The following WDR17 variants were observed in gnomAD, a reference collection of about 807,000 sequenced individuals.
The protein encoded by WDR17 is WD repeat-containing protein 17.
A neutral mutation model predicts 161.7 loss-of-function variants in WDR17; 143 were observed. The ratio of observed to expected loss-of-function variants is 0.88; its 90% confidence interval spans 0.77 to 1.02. The LOEUF is 1.02. Among genes scored for constraint, WDR17 ranks in the 50% least tolerant of loss-of-function variants. The pLI, the probability that WDR17 is intolerant of heterozygous loss-of-function variation, is 0.00. For synonymous variants in WDR17, 517 were observed against 515.6 expected (o/e 1.00, Z -0.04); for missense variants, 1,469 against 1,520.9 (o/e 0.97, Z 0.57).
chr4:176,104,286 A>G (rs895376993), intron 1 of WDR17, among the ~76,000 whole-genome samples: 8 of 152,124 alleles, frequency 5.3e-5, no homozygotes, highest in African/African-American at 1.7e-4. Context: ...GCAGGGTGAA[A>G]TGAAATGACA....
At chr4:176,156,677 TA>T (rs34152816) in intron 18 of WDR17, among the ~76,000 whole-genome samples, 36,541 of 128,740 alleles carry the variant, frequency 0.28, 4,558 homozygotes, top group South Asian at 0.37. Context: ...GGGGTTGCCG[TA>T]AAAAAAAAAA....
chr4:176,099,120 C>T (rs1201248782), intron 1 of WDR17, among the ~76,000 whole-genome samples: 1 of 151,972 alleles, frequency 6.6e-6, no homozygotes, highest in Admixed American at 6.6e-5. Flanking sequence ...GTTTCTAGTT[C>T]AGTATGTAAG....
chr4:176,105,698 T>C (rs1738603683), intron 1 of WDR17, among the ~76,000 whole-genome samples: 1 of 152,132 alleles, frequency 6.6e-6, no homozygotes, highest in Non-Finnish European at 1.5e-5. Flanking sequence ...CCAAAACTTA[T>C]GGGATGCAGT....
chr4:176,150,061 G>GC lies in WDR17; in HGVS notation c.2067dup (p.Thr690HisfsTer8). 1.2e-6 allele frequency: 2 copies of GC among 1,613,912 alleles called. No individual in the cohort carries two copies. The highest frequency in any genetic ancestry group is 1.7e-6 in the Non-Finnish European group (2 of 1,179,960). On this transcript the variant is annotated frameshift_variant, in exon 15 of 29. Transcript: ENST00000508596. LOFTEE classifies it high-confidence loss of function. ...TCTTCAGATTATGCTATAGAACCAG[G>GC]CACTCCTCCTCTACTGTGTGGTAAA...
chr4:176,140,354 G>T (rs775609166), intron 10 of WDR17, among the ~76,000 whole-genome samples: 7 of 151,976 alleles, frequency 4.6e-5, no homozygotes, highest in Non-Finnish European at 1.0e-4. Flanking sequence ...ATTAAGTGCC[G>T]TAAAAACTTG....
intron 1 of WDR17, among the ~76,000 whole-genome samples, chr4:176,101,719 T>A (rs1214159902): frequency 6.6e-6 from 1 of 151,870 alleles, no homozygotes; most frequent in Admixed American, 6.6e-5. Flanking sequence ...TAGAAATAGA[T>A]CCACATAAAT....
chr4:176,131,442 T>A lies in WDR17; in HGVS notation c.914-112T>A, dbSNP rs926732133. Reference sequence around the variant, plus strand: ...GCTTATGTGGGAGAATATATGATCATTGCCTAAATGGTTTACTGGTACAGA... The same window carrying A: ...GCTTATGTGGGAGAATATATGATCAATGCCTAAATGGTTTACTGGTACAGA... On this transcript the variant is annotated intron_variant, in intron 6 of 28. Coordinates refer to ENST00000508596, the MANE Select transcript of WDR17 (RefSeq NM_181265.4). 3.8e-6 allele frequency: 4 copies of A among 1,058,766 alleles called. No individual in the cohort carries two copies. In the African/African-American group the frequency reaches 6.5e-5, roughly 17 times the overall value. The allele number at this position is 1,058,766 out of a possible 1,614,324, so 65.6% of individuals were successfully genotyped here. A position where few individuals can be genotyped will look rare whatever the true frequency, so the allele number is the denominator to read the frequency against.
chr4:176,135,561 T>G (rs1012003677), intron 8 of WDR17, among the ~76,000 whole-genome samples: 1 of 151,588 alleles, frequency 6.6e-6, no homozygotes, highest in African/African-American at 2.4e-5. Context: ...TCTATAGCTA[T>G]GCCTTTAGAA....
At chr4:176,112,871 T>C (rs1021001813) in intron 2 of WDR17, among the ~76,000 whole-genome samples, 4 of 152,156 alleles carry the variant, frequency 2.6e-5, no homozygotes, top group Admixed American at 2.0e-4. Flanking sequence ...GTTAAGACTA[T>C]CTTGTTTTAT....
chr4:176,154,634 CTTCT>C (rs1381977869), intron 17 of WDR17, among the ~76,000 whole-genome samples: 1 of 152,092 alleles, frequency 6.6e-6, no homozygotes, highest in Non-Finnish European at 1.5e-5. Flanking sequence ...TACATTGCAA[CTTCT>C]TTCTTCTGTT....
intron 1 of WDR17, among the ~76,000 whole-genome samples, chr4:176,067,170 A>T: frequency 6.6e-6 from 1 of 152,298 alleles, no homozygotes; most frequent in Non-Finnish European, 1.5e-5. Flanking sequence ...AAGAAAATGG[A>T]TATAGTTATA....
Position 176,177,640 on chromosome 4 carries a change from G to A in WDR17, c.3718G>A (p.Gly1240Arg). 6.3e-7 allele frequency: 1 copy of A among 1,581,442 alleles called. No homozygotes were observed. The highest frequency in any genetic ancestry group is 1.7e-4 in the Middle Eastern group (1 of 5,954). ...TGATATTCACATTTCTTGTCTTACG[G>A]GATTAAAAATCCAGGTAAAGCCTAA... is the stretch of plus-strand genomic sequence containing the variant. ...HSDIHISCLTGLKIQGPVFFL... is the reference protein window; with the variant it reads ...HSDIHISCLTRLKIQGPVFFL... The change falls in exon 28 of 29, where the codon GGA (glycine) becomes AGA (arginine). Residue 1240 changes from glycine to arginine, a missense_variant. Coordinates refer to ENST00000508596, the MANE Select transcript of WDR17 (RefSeq NM_181265.4).
At chr4:176,126,160 T>A (rs918028132) in intron 5 of WDR17, among the ~76,000 whole-genome samples, 2 of 152,208 alleles carry the variant, frequency 1.3e-5, no homozygotes, top group Non-Finnish European at 2.9e-5. Context: ...AAGAATTTTG[T>A]GGGAGGCATT....
intron 7 of WDR17, among the ~76,000 whole-genome samples, chr4:176,134,088 C>G (rs2126766987): frequency 6.6e-6 from 1 of 151,862 alleles, no homozygotes; most frequent in East Asian, 1.9e-4. Flanking sequence ...ACCAGTGGTT[C>G]TAACAACATT....
chr4:176,179,273 C>T (rs1751893293), intron 28 of WDR17, among the ~76,000 whole-genome samples, 187 bp from the exon 29 acceptor site: 1 of 152,122 alleles, frequency 6.6e-6, no homozygotes, highest in Non-Finnish European at 1.5e-5. Context: ...AATGTTAAGA[C>T]ATTTGAAAAT....
At chr4:176,157,221 G>T (rs1372619130) in intron 18 of WDR17, among the ~76,000 whole-genome samples, 1 of 151,970 alleles carries the variant, frequency 6.6e-6, no homozygotes, top group Non-Finnish European at 1.5e-5. Flanking sequence ...GCCAATCACT[G>T]TGCTAATCTT....
chr4:176,136,516 G>A (rs1421323647), intron 8 of WDR17, among the ~76,000 whole-genome samples: 3 of 151,582 alleles, frequency 2.0e-5, no homozygotes, highest in Non-Finnish European at 4.4e-5. Flanking sequence ...TCTCTACATT[G>A]AGAATTTGCA....
chr4:176,160,069 G>A lies in WDR17; in HGVS notation c.2601G>A (p.Lys867=). 1.2e-6 allele frequency: 2 copies of A among 1,613,904 alleles called. No individual in the cohort carries two copies. Among genetic ancestry groups the A allele is most frequent in the South Asian group, 1.1e-5 (1 of 91,058 alleles). ...PYCIAIGDVK[K]LVHFFMSRGQ... Reference sequence around the variant, plus strand: ...GCATAGCCATTGGTGATGTGAAAAAGCTAGTCCATTTTTTCATGTCAAGAG... The same window carrying A: ...GCATAGCCATTGGTGATGTGAAAAAACTAGTCCATTTTTTCATGTCAAGAG... Residue 867 remains lysine (K), a synonymous_variant, in exon 19 of 29, where the codon AAG becomes AAA. Transcript: ENST00000508596.
At chr4:176,163,008 C>A in intron 21 of WDR17, 146 bp from the exon 22 acceptor site, 3 of 1,086,200 alleles carry the variant, frequency 2.8e-6, no homozygotes, top group Non-Finnish European at 3.9e-6. Flanking sequence ...TACATAGCTA[C>A]TTTATAGGAA....
Sources: gnomAD v4.1 joint callset for allele counts (sites outside exome capture counted in the v4.1 genomes callset) on GRCh38, gnomAD v4.1.1 for gene constraint, MANE v1.5 for transcripts, NCBI Gene and HGNC (gene_info 2026-07-23, HGNC 2026-07-21) for gene names.